The following CCDC174 variants were observed in gnomAD, a reference collection of about 807,000 sequenced individuals.
The protein encoded by CCDC174 is coiled-coil domain containing 174.
A neutral mutation model predicts 57.1 loss-of-function variants in CCDC174; 37 were observed. That is an observed-to-expected ratio of 0.65 (90% confidence interval 0.50 to 0.85). CCDC174 has a LOEUF of 0.85. CCDC174 is among the 40% of genes least tolerant of loss of function. The pLI, the probability that CCDC174 is intolerant of heterozygous loss-of-function variation, is 0.00. For missense variants in CCDC174, 540 were observed against 574.3 expected (o/e 0.94, Z 0.61); for synonymous variants, 182 against 190.2 (o/e 0.96, Z 0.35).
At position 14,658,934 on chromosome 3, in the gene CCDC174, A is replaced by G. The variant is rs967220410; in HGVS notation, c.307+5A>G. The G allele has an allele frequency of 1.3e-5, 20 of 1,503,732 alleles. No homozygotes were observed. The highest frequency in any genetic ancestry group is 1.7e-5 in the Non-Finnish European group (19 of 1,098,692). 93.1% of individuals were successfully genotyped at this position (1,503,732 alleles called of 1,614,324 possible). On this transcript the variant is annotated splice_donor_5th_base_variant and intron_variant, in intron 4 of 10. Transcript: ENST00000383794. ...TGACTAAAGGAGACTTTATAGGTAAATAAAATTTGTTATTTCTACTTCATT... is the reference window on the plus strand; with the variant it reads ...TGACTAAAGGAGACTTTATAGGTAAGTAAAATTTGTTATTTCTACTTCATT...
At chr3:14,666,030 T>G (rs113468495) in intron 6 of CCDC174, among the ~76,000 whole-genome samples, 15,442 of 105,912 alleles carry the variant, frequency 0.15, 1,036 homozygotes, top group Middle Eastern at 0.38. Context: ...AGAGCGAGAC[T>G]CCGTCTCAAA....
intron 6 of CCDC174, among the ~76,000 whole-genome samples, chr3:14,666,256 G>A (rs1424318294): frequency 6.6e-6 from 1 of 152,116 alleles, no homozygotes; most frequent in Non-Finnish European, 1.5e-5. Context: ...TGGGTGGAAG[G>A]AAAGTTTTTT....
At chr3:14,657,576 C>G (rs912716539) in intron 3 of CCDC174, among the ~76,000 whole-genome samples, 3 of 152,232 alleles carry the variant, frequency 2.0e-5, no homozygotes, top group African/African-American at 7.2e-5. Flanking sequence ...CATTTGTAGT[C>G]TGTTCCTAAC....
At chr3:14,658,094 C>T (rs904526102) in intron 3 of CCDC174, among the ~76,000 whole-genome samples, 1 of 152,356 alleles carries the variant, frequency 6.6e-6, no homozygotes, top group Non-Finnish European at 1.5e-5. Flanking sequence ...TGCTGGCATG[C>T]GTTTCTTCCC....
intron 2 of CCDC174, 102 bp from the exon 3 acceptor site, chr3:14,655,427 T>C (rs1435139565): frequency 5.9e-6 from 4 of 680,368 alleles, no homozygotes; most frequent in South Asian, 4.0e-5. Flanking sequence ...CATTGATTCA[T>C]AAGAACTCAT....
At chr3:14,655,163 T>G (rs1314363132) in intron 2 of CCDC174, among the ~76,000 whole-genome samples, 1 of 151,954 alleles carries the variant, frequency 6.6e-6, no homozygotes, top group African/African-American at 2.4e-5. Context: ...AAAAAAAAAT[T>G]AGTCAGGCAT....
chr3:14,651,805 T>G lies in CCDC174; in HGVS notation c.-32T>G, dbSNP rs1575066488. The G allele has an allele frequency of 6.2e-7, 1 of 1,612,660 alleles. No homozygotes were observed. The highest frequency in any genetic ancestry group is 8.5e-7 in the Non-Finnish European group (1 of 1,179,082). On this transcript the variant is annotated 5_prime_UTR_variant, in exon 1 of 11. Coordinates refer to ENST00000383794, the MANE Select transcript of CCDC174 (RefSeq NM_016474.5). Reference sequence around the variant, plus strand: ...CGAGGCCTGTGTCGGGTAGAAAGGGTCCTTCCTGGACCGGGACCCTCTGCC... The same window carrying G: ...CGAGGCCTGTGTCGGGTAGAAAGGGGCCTTCCTGGACCGGGACCCTCTGCC...
At chr3:14,667,551 G>A (rs2280382) in intron 8 of CCDC174, 33 bp downstream of exon 8, 1 of 1,533,930 alleles carries the variant, frequency 6.5e-7, no homozygotes, top group Admixed American at 1.7e-5. Context: ...TGTGAGGAAA[G>A]ATGTGAGCGC....
Position 14,668,188 on chromosome 3 carries a change from C to G in CCDC174, c.952+7C>G, listed in dbSNP as rs1056785359. On this transcript the variant is annotated splice_region_variant and intron_variant, in intron 9 of 10. Coordinates refer to ENST00000383794, the MANE Select transcript of CCDC174 (RefSeq NM_016474.5). ...ACAGAAGAAGAAAATAGAGGTATAT[C>G]ATGGCTATGTTGCTGAACTTCAAAA... The G allele has an allele frequency of 2.5e-6, 4 of 1,596,710 alleles. No individual in the cohort carries two copies. The highest frequency in any genetic ancestry group is 1.4e-5 in the African/African-American group (1 of 73,588).
intron 10 of CCDC174, among the ~76,000 whole-genome samples, chr3:14,670,311 A>T (rs1005510033): frequency 1.1e-4 from 16 of 152,224 alleles, no homozygotes; most frequent in African/African-American, 3.9e-4. Context: ...AATGGTCTAC[A>T]TGCCAGTGTA....
intron 4 of CCDC174, among the ~76,000 whole-genome samples, chr3:14,659,308 T>C (rs998285027): frequency 1.3e-5 from 2 of 152,190 alleles, no homozygotes; most frequent in Non-Finnish European, 2.9e-5. Flanking sequence ...GGTGGAATTG[T>C]GGTTCTGTTA....
In CCDC174 at chr3:14,651,769, A is replaced by T. The variant is rs548758904; in HGVS notation, c.-68A>T. 4 of 1,525,420 alleles carry T rather than the reference A, an allele frequency of 2.6e-6. No individual in the cohort carries two copies. Among genetic ancestry groups the T allele is most frequent in the Non-Finnish European group, 2.7e-6 (3 of 1,100,296 alleles). The allele number at this position is 1,525,420 out of a possible 1,614,324, so 94.5% of individuals were successfully genotyped here. On this transcript the variant is annotated 5_prime_UTR_variant, in exon 1 of 11. Transcript: ENST00000383794. ...TCGAAGACACTTCCGGTTGCGACGG[A>T]GGTAGGCTTACGAGGCCTGTGTCGG...
intron 4 of CCDC174, 87 bp from the exon 5 acceptor site, chr3:14,661,443 C>A: frequency 1.8e-6 from 2 of 1,137,042 alleles, no homozygotes; most frequent in Non-Finnish European, 1.3e-6. Flanking sequence ...GGTGATGGGG[C>A]CACCAGGCAA....
At chr3:14,653,630 A>G (rs965738535) in intron 1 of CCDC174, among the ~76,000 whole-genome samples, 1 of 152,200 alleles carries the variant, frequency 6.6e-6, no homozygotes, top group Admixed American at 6.5e-5. Flanking sequence ...GGCAGGGGTA[A>G]TTAATGTAGC....
At chr3:14,664,255 G>C (rs2031245378) in intron 5 of CCDC174, among the ~76,000 whole-genome samples, 1 of 152,244 alleles carries the variant, frequency 6.6e-6, no homozygotes, top group African/African-American at 2.4e-5. Flanking sequence ...CTGCCAGCTA[G>C]TACTTATTGG....
At chr3:14,667,711 G>GT (rs1228871832) in intron 8 of CCDC174, among the ~76,000 whole-genome samples, 193 bp downstream of exon 8, 2 of 152,204 alleles carry the variant, frequency 1.3e-5, no homozygotes, top group Non-Finnish European at 2.9e-5. Flanking sequence ...TAACTTTGAT[G>GT]TTTTAAATCT....
chr3:14,656,707 G>C (rs757451982), intron 3 of CCDC174, among the ~76,000 whole-genome samples: 19 of 152,160 alleles, frequency 1.2e-4, no homozygotes, highest in African/African-American at 4.6e-4. Flanking sequence ...GCAATGATTT[G>C]TTATCATTGA....
At chr3:14,670,217 C>A (rs976193437) in intron 10 of CCDC174, 131 bp downstream of exon 10, 1 of 839,544 alleles carries the variant, frequency 1.2e-6, no homozygotes, top group Non-Finnish European at 1.8e-6. Context: ...AATGCCATTT[C>A]TCAGGACCTG....
At chr3:14,658,193 G>T (rs11922427) in intron 3 of CCDC174, among the ~76,000 whole-genome samples, 65,608 of 152,120 alleles carry the variant, frequency 0.43, 16,306 homozygotes, top group South Asian at 0.65. Context: ...CTCCCAGGAA[G>T]CTGGGACTTT....
Sources: gnomAD v4.1 joint callset for allele counts (sites outside exome capture counted in the v4.1 genomes callset) on GRCh38, gnomAD v4.1.1 for gene constraint, MANE v1.5 for transcripts, NCBI Gene and HGNC (gene_info 2026-07-23, HGNC 2026-07-21) for gene names.